Variants in ERP27 observed in about 807,000 individuals in gnomAD.
ERP27 encodes the protein endoplasmic reticulum protein 27.
Under a neutral mutation model 27.7 loss-of-function variants are expected in ERP27, and 23 were observed. That is an observed-to-expected ratio of 0.83 (90% confidence interval 0.60 to 1.18). The LOEUF (loss-of-function observed/expected upper bound fraction) is 1.18. ERP27 is among the 50% of genes most tolerant of loss of function. The pLI is 0.00. For missense variants in ERP27, 363 were observed against 327.9 expected (o/e 1.11, Z -0.83); for synonymous variants, 159 against 118.3 (o/e 1.34, Z -2.23).
intron 3 of ERP27, among the ~76,000 whole-genome samples, chr12:14,921,959 G>A (rs998111985): frequency 6.6e-6 from 1 of 152,002 alleles, no homozygotes; most frequent in African/African-American, 2.4e-5. Flanking sequence ...TTGATTATAA[G>A]TCATTTATGT....
chr12:14,919,384 C>G (rs564752284), intron 4 of ERP27, among the ~76,000 whole-genome samples: 1 of 152,218 alleles, frequency 6.6e-6, no homozygotes, highest in East Asian at 1.9e-4. Context: ...AGTGCATGCC[C>G]CTGCCTTAGC....
chr12:14,917,840 C>T (rs557341262), intron 4 of ERP27, among the ~76,000 whole-genome samples: 23 of 152,318 alleles, frequency 1.5e-4, no homozygotes, highest in African/African-American at 5.3e-4. Flanking sequence ...GCACCTAGCC[C>T]TAGCCACCCC....
At chr12:14,928,921 T>C (rs899725864) in intron 3 of ERP27, 2 of 1,532,518 alleles carry the variant, frequency 1.3e-6, no homozygotes, top group Non-Finnish European at 1.7e-6. Context: ...GCAGCTCCTC[T>C]AGATACTTAA....
At chr12:14,938,338 A>G (rs1430555924) in intron 1 of ERP27, 77 bp downstream of exon 1, 2 of 1,441,610 alleles carry the variant, frequency 1.4e-6, no homozygotes, top group Non-Finnish European at 2.0e-6. Context: ...AAAAGTACCC[A>G]GAGAACCACC....
chr12:14,915,731 C>T (rs376106124), intron 5 of ERP27, 45 bp from the exon 6 acceptor site: 18 of 1,556,630 alleles, frequency 1.2e-5, no homozygotes, highest in East Asian at 9.0e-5. Flanking sequence ...TCTGAGGTGA[C>T]GTCCAGGGAT....
intron 5 of ERP27, 28 bp downstream of exon 5, chr12:14,917,150 C>A: frequency 6.2e-7 from 1 of 1,613,642 alleles, no homozygotes; most frequent in Non-Finnish European, 8.5e-7. Context: ...GGTGTGTATG[C>A]AATAGGATAT....
At position 14,916,294 on chromosome 12, in the gene ERP27, G is replaced by C. The variant is rs966879842; in HGVS notation, c.577-608C>G. On this transcript the variant is annotated intron_variant, in intron 5 of 6. Transcript: ENST00000266397. ...CTTTAGTGATTACCTAAGAAAGGAA[G>C]TATAGCCTAATGGTTAGGAGCAGAG... Among the ~76,000 whole-genome samples the C allele has an allele frequency of 3.0e-4, 45 of 152,300 alleles. 1 individual carries two copies. The highest frequency in any genetic ancestry group is 9.8e-4 in the Admixed American group (15 of 15,300).
At position 14,915,721 on chromosome 12, in the gene ERP27, T is replaced by C. The variant is rs59467671; in HGVS notation, c.577-35A>G. 14,400 of 1,594,478 alleles carry C rather than the reference T, an allele frequency of 9.0e-3. 972 individuals are homozygous for C. In the African/African-American group the frequency reaches 0.16, roughly 17 times the overall value. ...GGGAAGTTTGAAAGAAAAAGTTCTA[T>C]CTGAGGTGACGTCCAGGGATAAAGA... On this transcript the variant is annotated intron_variant, in intron 5 of 6. Transcript: ENST00000266397.
At chr12:14,918,641 A>C (rs1484132721) in intron 4 of ERP27, among the ~76,000 whole-genome samples, 1 of 152,202 alleles carries the variant, frequency 6.6e-6, no homozygotes, top group East Asian at 1.9e-4. Context: ...TGGGTTAACA[A>C]ATCTTTGGTC....
chr12:14,935,203 A>G, intron 2 of ERP27: 2 of 965,138 alleles, frequency 2.1e-6, no homozygotes, highest in Non-Finnish European at 2.5e-6. Context: ...GTAACCACGA[A>G]ATTGTAGCTG....
intron 3 of ERP27, among the ~76,000 whole-genome samples, chr12:14,931,158 ATTTC>A (rs76206991): frequency 0.13 from 19,416 of 152,160 alleles, 1,354 homozygotes; most frequent in South Asian, 0.2. Context: ...TCTCATGGAA[ATTTC>A]TTTATTAAAA....
chr12:14,931,494 T>C (rs1456178728), intron 3 of ERP27, among the ~76,000 whole-genome samples: 7 of 152,194 alleles, frequency 4.6e-5, no homozygotes, highest in Admixed American at 4.6e-4. Flanking sequence ...GTTGAGCTTC[T>C]TCCAGCTCTG....
chr12:14,921,693 A>T (rs990916934), intron 3 of ERP27, among the ~76,000 whole-genome samples: 10 of 152,248 alleles, frequency 6.6e-5, no homozygotes, highest in African/African-American at 2.4e-4. Flanking sequence ...AAATTATCAC[A>T]GAGAAAACTA....
At chr12:14,919,277 A>G (rs1863461724) in intron 4 of ERP27, among the ~76,000 whole-genome samples, 1 of 152,218 alleles carries the variant, frequency 6.6e-6, no homozygotes, top group Admixed American at 6.5e-5. Context: ...TTTTCTCTTG[A>G]TATAATCTGC....
intron 4 of ERP27, among the ~76,000 whole-genome samples, chr12:14,918,516 T>G (rs943026583): frequency 5.3e-5 from 8 of 152,208 alleles, no homozygotes; most frequent in African/African-American, 1.9e-4. Context: ...CATTTCACTG[T>G]CCTGAAATAA....
intron 4 of ERP27, among the ~76,000 whole-genome samples, chr12:14,918,334 A>G (rs972289477): frequency 1.3e-5 from 2 of 152,192 alleles, no homozygotes; most frequent in Non-Finnish European, 2.9e-5. Flanking sequence ...GAACCAATGT[A>G]CCAAAGGTCA....
intron 4 of ERP27, among the ~76,000 whole-genome samples, chr12:14,920,255 A>G (rs2120557566): frequency 6.6e-6 from 1 of 152,318 alleles, no homozygotes; most frequent in South Asian, 2.1e-4. Flanking sequence ...AGCATGCAAC[A>G]CCAGAGGAAG....
chr12:14,926,069 CA>C lies in ERP27; in HGVS notation c.334-5022del, dbSNP rs35554311. Among the ~76,000 whole-genome samples, 478 of 138,998 alleles carry C rather than the reference CA, an allele frequency of 3.4e-3. 2 individuals are homozygous for C. Among genetic ancestry groups the C allele is most frequent in the African/African-American group, 5.9e-3 (219 of 37,402 alleles). The allele number at this position is 138,998 out of a possible 152,430, so 91.2% of individuals were successfully genotyped here. On this transcript the variant is annotated intron_variant, in intron 3 of 6. Coordinates refer to ENST00000266397, the MANE Select transcript of ERP27 (RefSeq NM_152321.4). ...GGGCAACAGAGCAAGACTCTGTCTC[CA>C]AAAAAAAAAAAGGTGTTAAATTTTT...
At chr12:14,917,685 T>C (rs569287245) in intron 4 of ERP27, among the ~76,000 whole-genome samples, 1 of 152,222 alleles carries the variant, frequency 6.6e-6, no homozygotes, top group African/African-American at 2.4e-5. Context: ...GGCCAGGAAC[T>C]AAGTCCTTCT....
Sources: allele counts gnomAD v4.1 joint callset (sites outside exome capture counted in the v4.1 genomes callset), GRCh38; gene constraint gnomAD v4.1.1; transcripts MANE v1.5; gene names NCBI Gene and HGNC (gene_info 2026-07-23, HGNC 2026-07-21).